Variants in RUNX2 observed in about 807,000 individuals in gnomAD.
RUNX2 encodes the protein RUNX family transcription factor 2, also known as runt-related transcription factor 2.
In RUNX2, 10 loss-of-function variants were observed where a neutral mutation model predicts 51.7. That is an observed-to-expected ratio of 0.19 (90% confidence interval 0.12 to 0.33). The LOEUF (loss-of-function observed/expected upper bound fraction) is 0.33. Ranked by LOEUF, RUNX2 falls within the 10% of genes least tolerant of loss-of-function variation. The pLI, the probability that RUNX2 is intolerant of heterozygous loss-of-function variation, is 1.00. For missense variants in RUNX2, 562 were observed against 691.3 expected (o/e 0.81, Z 2.10); for synonymous variants, 276 against 273.6 (o/e 1.01, Z -0.09).
intron 5 of RUNX2, among the ~76,000 whole-genome samples, chr6:45,446,377 A>G (rs1166459457): frequency 6.6e-6 from 1 of 152,194 alleles, no homozygotes; most frequent in Non-Finnish European, 1.5e-5. Flanking sequence ...TACATGCTTG[A>G]TCCAAATGTG....
intron 2 of RUNX2, among the ~76,000 whole-genome samples, chr6:45,408,760 T>C (rs1171813697): frequency 6.6e-6 from 1 of 152,082 alleles, no homozygotes; most frequent in Non-Finnish European, 1.5e-5. Context: ...GAGTCAAGGT[T>C]TGAGCAACAG....
rs765451254 is a variant in RUNX2, at chr6:45,549,633, G to T, written c.*2328G>T. 23 of 359,234 alleles carry T rather than the reference G, an allele frequency of 6.4e-5. No homozygotes were observed. The highest frequency in any genetic ancestry group is 8.9e-5 in the Non-Finnish European group (18 of 201,758). 22.3% of individuals were successfully genotyped at this position (359,234 alleles called of 1,614,324 possible). ...GTTTGTTTCAGCAGCACTTAAAAAA[G>T]CCAGTGTCTGGTTACACATTTCAAT... On this transcript the variant is annotated 3_prime_UTR_variant, in exon 9 of 9. Transcript: ENST00000647337.
intron 2 of RUNX2, among the ~76,000 whole-genome samples, chr6:45,364,888 T>G (rs1281947952): frequency 6.6e-6 from 1 of 152,120 alleles, no homozygotes; most frequent in Non-Finnish European, 1.5e-5. Flanking sequence ...ATCTATAAAC[T>G]AGAATAGAAA....
chr6:45,439,337 G>C (rs1019080839), intron 5 of RUNX2, among the ~76,000 whole-genome samples: 2 of 152,204 alleles, frequency 1.3e-5, no homozygotes, highest in Non-Finnish European at 2.9e-5. Flanking sequence ...GTACACATGT[G>C]TGTAAGCACC....
intron 7 of RUNX2, among the ~76,000 whole-genome samples, chr6:45,536,337 C>CT (rs1323511710): frequency 1.3e-5 from 2 of 152,136 alleles, no homozygotes; most frequent in African/African-American, 4.8e-5. Flanking sequence ...CAGTTTGAGG[C>CT]TGAAGCCTGT....
intron 3 of RUNX2, among the ~76,000 whole-genome samples, chr6:45,424,160 G>A (rs1798320145): frequency 6.6e-6 from 1 of 152,200 alleles, no homozygotes; most frequent in Non-Finnish European, 1.5e-5. Flanking sequence ...GTTTGAGGGC[G>A]GGTGGCAGCC....
chr6:45,466,681 A>G (rs1279794849), intron 5 of RUNX2, among the ~76,000 whole-genome samples: 1 of 152,222 alleles, frequency 6.6e-6, no homozygotes, highest in Non-Finnish European at 1.5e-5. Flanking sequence ...TACGTAATTT[A>G]TCTTTTCCCC....
chr6:45,423,096 C>G (rs1798269202), intron 3 of RUNX2, 139 bp downstream of exon 3: 2 of 1,038,050 alleles, frequency 1.9e-6, no homozygotes, highest in Non-Finnish European at 2.5e-6. Flanking sequence ...AAACCCCCGG[C>G]CGGGCCTCCC....
At chr6:45,413,374 C>A (rs1797994051) in intron 2 of RUNX2, among the ~76,000 whole-genome samples, 1 of 147,284 alleles carries the variant, frequency 6.8e-6, no homozygotes, top group African/African-American at 2.5e-5. Flanking sequence ...GGTCAAAATT[C>A]TGTTATATCT....
At chr6:45,498,587 T>C (rs1248160101) in intron 6 of RUNX2, among the ~76,000 whole-genome samples, 2 of 152,230 alleles carry the variant, frequency 1.3e-5, no homozygotes, top group Non-Finnish European at 2.9e-5. Flanking sequence ...ATTCCAGTTA[T>C]ATAAGGCATG....
At chr6:45,481,605 T>C (rs1478428590) in intron 5 of RUNX2, among the ~76,000 whole-genome samples, 1 of 151,782 alleles carries the variant, frequency 6.6e-6, no homozygotes, top group African/African-American at 2.4e-5. Context: ...GAATGTTCAG[T>C]TGTAATTAGT....
chr6:45,425,027 C>T (rs1418589963), intron 3 of RUNX2, among the ~76,000 whole-genome samples: 1 of 152,022 alleles, frequency 6.6e-6, no homozygotes, highest in Non-Finnish European at 1.5e-5. Context: ...AAATTTGTTT[C>T]CACCAACGCC....
chr6:45,403,743 T>A (rs1475932056), intron 2 of RUNX2, among the ~76,000 whole-genome samples: 1 of 152,114 alleles, frequency 6.6e-6, no homozygotes, highest in Non-Finnish European at 1.5e-5. Context: ...CAAGCTCTCA[T>A]GGAGCTGACA....
intron 2 of RUNX2, among the ~76,000 whole-genome samples, chr6:45,343,334 C>A (rs544561723): frequency 2.6e-5 from 4 of 152,128 alleles, no homozygotes; most frequent in Non-Finnish European, 5.9e-5. Context: ...AACCCCTTCT[C>A]TACTAAAGGT....
intron 6 of RUNX2, among the ~76,000 whole-genome samples, chr6:45,502,893 CT>C (rs959164357): frequency 6.6e-6 from 1 of 152,200 alleles, no homozygotes; most frequent in African/African-American, 2.4e-5. Context: ...AGCCTGGCTC[CT>C]CCCTGCCTGC....
intron 7 of RUNX2, among the ~76,000 whole-genome samples, chr6:45,543,557 C>T (rs1802298007): frequency 6.6e-6 from 1 of 152,124 alleles, no homozygotes; most frequent in Non-Finnish European, 1.5e-5. Flanking sequence ...TTTAGAAAAT[C>T]AGATTGGGGT....
chr6:45,346,156 G>A (rs1164861952), intron 2 of RUNX2, among the ~76,000 whole-genome samples: 2 of 148,266 alleles, frequency 1.3e-5, no homozygotes, highest in Admixed American at 6.7e-5. Flanking sequence ...ATACTTACCT[G>A]CATCTACCAC....
rs766719397 is a variant in RUNX2, at chr6:45,547,044, A to G, written c.1305A>G (p.Gly435=). 2.5e-6 allele frequency: 4 copies of G among 1,613,776 alleles called. No homozygotes were observed. The African/African-American group carries it at 5.3e-5, about 22-fold the overall frequency. ...CCGGCTCTTCCCAAAGCCAGAGTGG[A>G]CCCTTCCAGACCAGCAGCACTCCAT... ...PYPGSSQSQS[G]PFQTSSTPYL... Residue 435 remains glycine, a synonymous_variant, in exon 9 of 9, where the codon GGA becomes GGG. Coordinates refer to ENST00000647337, the MANE Select transcript of RUNX2 (RefSeq NM_001024630.4).
At chr6:45,524,821 A>G (rs1486467332) in intron 7 of RUNX2, among the ~76,000 whole-genome samples, 1 of 152,180 alleles carries the variant, frequency 6.6e-6, no homozygotes, top group African/African-American at 2.4e-5. Context: ...TGGCTTAAAG[A>G]TATGGTAGAG....
Sources: gnomAD v4.1 joint callset for allele counts (sites outside exome capture counted in the v4.1 genomes callset) on GRCh38, gnomAD v4.1.1 for gene constraint, MANE v1.5 for transcripts, NCBI Gene and HGNC (gene_info 2026-07-23, HGNC 2026-07-21) for gene names.